Variants in TRIM9 observed in about 807,000 individuals in gnomAD.
The protein encoded by TRIM9 is E3 ubiquitin-protein ligase TRIM9.
A neutral mutation model predicts 78.3 loss-of-function variants in TRIM9; 26 were observed. The ratio of observed to expected loss-of-function variants is 0.33; its 90% confidence interval spans 0.24 to 0.46. The LOEUF (loss-of-function observed/expected upper bound fraction) is 0.46, where lower values mean the gene tolerates loss of function less well. TRIM9 is among the 20% of genes least tolerant of loss of function. The probability of loss-of-function intolerance (pLI) is 1.00; values close to 1 mark genes in which losing one functional copy is unlikely to be tolerated. For synonymous variants in TRIM9, 398 were observed against 416.5 expected, an observed-to-expected ratio of 0.96 and a Z score of 0.54; for missense variants, 787 against 1,036.4, an observed-to-expected ratio of 0.76 and a Z score of 3.30.
intron 1 of TRIM9, among the ~76,000 whole-genome samples, chr14:51,034,551 T>C (rs2058985759): frequency 6.6e-6 from 1 of 152,076 alleles, no homozygotes; most frequent in Non-Finnish European, 1.5e-5. Flanking sequence ...ATTTTGGGAG[T>C]ATGATTTTTT....
chr14:51,000,488 G>A (rs1037407333), intron 6 of TRIM9, among the ~76,000 whole-genome samples, 195 bp downstream of exon 6: 21 of 152,208 alleles, frequency 1.4e-4, no homozygotes, highest in African/African-American at 5.1e-4. Context: ...AAGAAGGGTA[G>A]GGCAGTTTCA....
chr14:50,996,003 T>C (rs2054168702), intron 7 of TRIM9: 1 of 780,824 alleles, frequency 1.3e-6, no homozygotes, highest in South Asian at 5.8e-5. Context: ...TTTCTTGCTT[T>C]CTAAATCTTG....
chr14:51,042,249 G>A (rs956378267), intron 1 of TRIM9, among the ~76,000 whole-genome samples: 1 of 152,190 alleles, frequency 6.6e-6, no homozygotes, highest in African/African-American at 2.4e-5. Flanking sequence ...CTACCCAGCA[G>A]AAGATAGTTA....
chr14:51,054,282 T>C (rs1208574955), intron 1 of TRIM9, among the ~76,000 whole-genome samples: 4 of 138,322 alleles, frequency 2.9e-5, no homozygotes, highest in African/African-American at 1.1e-4. Context: ...AAGAATTGAA[T>C]CCTATTTATA....
intron 7 of TRIM9, among the ~76,000 whole-genome samples, chr14:50,994,528 C>A (rs1327486777): frequency 6.6e-6 from 1 of 152,224 alleles, no homozygotes; most frequent in Non-Finnish European, 1.5e-5. Context: ...AGTCAGATGT[C>A]TAGCCCCTAC....
rs779819385 is a variant in TRIM9 at position 50,982,848 on chromosome 14, C to T, written c.1858+94G>A. On this transcript the variant is annotated intron_variant, in intron 10 of 12. Transcript: ENST00000684578. The stretch of plus-strand genomic sequence containing the variant: ...AAATGCCACCTATAAATATCACACT[C>T]GAGAGATGTAATTGCTGATTTATTA... 1.1e-4 allele frequency: 131 copies of T among 1,203,576 alleles called. 1 individual carries two copies. The African/African-American group carries it at 1.4e-3, about 13-fold the overall frequency. The allele number at this position is 1,203,576 out of a possible 1,614,324, so 74.6% of individuals were successfully genotyped here.
At chr14:51,040,007 T>A (rs1003928471) in intron 1 of TRIM9, among the ~76,000 whole-genome samples, 7 of 152,142 alleles carry the variant, frequency 4.6e-5, no homozygotes, top group African/African-American at 1.7e-4. Context: ...ATGGTCTCGA[T>A]CTCCTGACCT....
chr14:51,000,691 G>T lies in TRIM9; in HGVS notation c.1456C>A (p.Gln486Lys). 6.2e-7 allele frequency: 1 copy of T among 1,614,076 alleles called. No homozygotes were observed. Among genetic ancestry groups the T allele is most frequent in the Non-Finnish European group, 8.5e-7 (1 of 1,179,966 alleles). Residue 486 changes from glutamine (Q) to lysine (K), a missense_variant, in exon 6 of 13, where the codon CAA (glutamine) becomes AAA (lysine). This residue lies in a region of TRIM9 where 421 missense variants were observed against 514.3 expected (regional missense o/e 0.82). Coordinates refer to ENST00000684578, the MANE Select transcript of TRIM9 (RefSeq NM_001387360.1). ...ILELDDGNGG[Q>K]FREVYVGKET... ...GTGGGCTGTCTACTGACCCGGAATT[G>T]ACCACCGTTGCCATCATCCAGCTCC... is the stretch of plus-strand genomic sequence containing the variant.
chr14:50,979,456 T>A lies in TRIM9; in HGVS notation c.2256A>T (p.Gln752His). 1 of 1,614,220 alleles carries A rather than the reference T, an allele frequency of 6.2e-7. No homozygotes were observed. The highest frequency in any genetic ancestry group is 8.5e-7 in the Non-Finnish European group (1 of 1,180,028). Residue 752 changes from glutamine (Q) to histidine (H), a missense_variant, in exon 12 of 13, where the codon CAA (glutamine) becomes CAT (histidine). Transcript: ENST00000684578. The part of the protein sequence containing the change: ...NLTFFINDEQ[Q>H]GPIAFDNVEG... ...CCACGTTATCAAATGCTATGGGACC[T>A]TGTTGTTCATCGTTGATAAAAAATG...
chr14:51,033,968 C>G (rs565476446), intron 1 of TRIM9, among the ~76,000 whole-genome samples: 2 of 152,302 alleles, frequency 1.3e-5, no homozygotes, highest in South Asian at 4.1e-4. Flanking sequence ...ATACATGTAT[C>G]TGTCCACAAA....
At chr14:50,979,093 T>G (rs555637403) in intron 12 of TRIM9, 4 of 1,336,570 alleles carry the variant, frequency 3.0e-6, no homozygotes, top group Non-Finnish European at 3.8e-6. Context: ...CTTTCGTTTC[T>G]ATTTAGAGGT....
chr14:50,990,810 G>A (rs1490426544), intron 7 of TRIM9, among the ~76,000 whole-genome samples: 8 of 152,168 alleles, frequency 5.3e-5, no homozygotes, highest in African/African-American at 1.9e-4. Flanking sequence ...CAGTGTTAAA[G>A]ATGAGTTTCA....
At chr14:51,068,346 CAA>C (rs567471052) in intron 1 of TRIM9, among the ~76,000 whole-genome samples, 1 of 131,376 alleles carries the variant, frequency 7.6e-6, no homozygotes, top group Non-Finnish European at 1.7e-5. Flanking sequence ...AAAACAAAAA[CAA>C]AAACAAAAAA....
chr14:51,039,622 AG>A (rs1391831374), intron 1 of TRIM9, among the ~76,000 whole-genome samples: 1 of 152,232 alleles, frequency 6.6e-6, no homozygotes, highest in Admixed American at 6.5e-5. Flanking sequence ...AAGTGTCATG[AG>A]GGGATTCTCT....
At position 51,087,951 on chromosome 14, in the gene TRIM9, C is replaced by T. The variant is rs545158986; in HGVS notation, c.822+6167G>A. 1.1e-4 allele frequency among the ~76,000 whole-genome samples: 17 copies of T among 152,216 alleles called. No homozygotes were observed. The South Asian group carries it at 3.5e-3, about 32-fold the overall frequency. ...TTTAAAATTATATTACATTAATATTCCTCATGCCTAAAATCATTTTTTGAG... is the reference window on the plus strand; with the variant it reads ...TTTAAAATTATATTACATTAATATTTCTCATGCCTAAAATCATTTTTTGAG... On this transcript the variant is annotated intron_variant, in intron 1 of 12. Transcript: ENST00000684578.
chr14:51,010,302 C>T, intron 4 of TRIM9, 82 bp downstream of exon 4: 2 of 1,086,746 alleles, frequency 1.8e-6, no homozygotes, highest in Non-Finnish European at 2.8e-6. Context: ...CCACCCAGGG[C>T]TGTTGGAAGT....
At chr14:51,001,802 C>T (rs895938273) in intron 5 of TRIM9, among the ~76,000 whole-genome samples, 1 of 152,138 alleles carries the variant, frequency 6.6e-6, no homozygotes, top group African/African-American at 2.4e-5. Context: ...GGTAGCTATA[C>T]CTCGAAAACA....
chr14:51,048,263 G>A (rs146997433), intron 1 of TRIM9, among the ~76,000 whole-genome samples: 1 of 152,352 alleles, frequency 6.6e-6, no homozygotes, highest in Non-Finnish European at 1.5e-5. Context: ...ACAGGCTTTA[G>A]AGGCTGTGCT....
At chr14:51,015,658 C>T (rs1353866056) in intron 3 of TRIM9, among the ~76,000 whole-genome samples, 2 of 151,560 alleles carry the variant, frequency 1.3e-5, no homozygotes, top group Non-Finnish European at 2.9e-5. Flanking sequence ...GGACTACAGG[C>T]ACATGCTACC....
Sources: gnomAD v4.1 joint callset for allele counts (sites outside exome capture counted in the v4.1 genomes callset) on GRCh38, gnomAD v4.1.1 for gene constraint, gnomAD v4.1.1 regional missense constraint, MANE v1.5 for transcripts, NCBI Gene and HGNC (gene_info 2026-07-23, HGNC 2026-07-21) for gene names.